The following PATJ variants were observed in gnomAD, a reference collection of about 807,000 sequenced individuals.
PATJ encodes the protein PATJ crumbs cell polarity complex component, also known as inaD-like protein.
PATJ carries 190 observed loss-of-function variants against 224.9 expected under a neutral mutation model. That is an observed-to-expected ratio of 0.84 (90% CI 0.75 to 0.95). PATJ has a LOEUF of 0.95. Among genes scored for constraint, PATJ ranks in the 40% least tolerant of loss-of-function variants. The pLI, the probability that PATJ is intolerant of heterozygous loss-of-function variation, is 0.00. For synonymous variants in PATJ, 769 were observed against 820.3 expected (o/e 0.94, Z 1.07); for missense variants, 2,121 against 2,270.3 (o/e 0.93, Z 1.34).
At chr1:61,788,300 G>C (rs1649032821) in intron 8 of PATJ, among the ~76,000 whole-genome samples, 1 of 152,052 alleles carries the variant, frequency 6.6e-6, no homozygotes, top group African/African-American at 2.4e-5. Flanking sequence ...CGATGTGTGA[G>C]AATTATCACT....
In PATJ at chr1:61,801,719, A is replaced by G. The variant is rs374668002; in HGVS notation, c.1499A>G (p.Glu500Gly). Residue 500 changes from glutamate to glycine, a missense_variant, in exon 12 of 44, where the codon GAA becomes GGA. Coordinates refer to ENST00000642238, the MANE Select transcript of PATJ (RefSeq NM_001350145.3). Reference sequence around the variant, plus strand: ...GATGGTGAAGATGAGGAAATTAAAGAAAGAATTGATACTTTAAAAAATGAC... The same window carrying G: ...GATGGTGAAGATGAGGAAATTAAAGGAAGAATTGATACTTTAAAAAATGAC... ...NVDGEDEEIK[E>G]RIDTLKNDNI... 1.9e-4 allele frequency: 306 copies of G among 1,601,644 alleles called. No homozygotes were observed. The highest frequency in any genetic ancestry group is 2.6e-4 in the Non-Finnish European group (300 of 1,171,588).
intron 33 of PATJ, among the ~76,000 whole-genome samples, chr1:62,087,271 G>C (rs1028426694): frequency 1.3e-5 from 2 of 151,964 alleles, no homozygotes; most frequent in Admixed American, 6.6e-5. Flanking sequence ...AAGTTAAGCT[G>C]TCTCTCCTCC....
At chr1:61,981,976 G>A (rs577702546) in intron 27 of PATJ, among the ~76,000 whole-genome samples, 2 of 152,094 alleles carry the variant, frequency 1.3e-5, no homozygotes, top group East Asian at 1.9e-4. Flanking sequence ...GCCTTGTTGC[G>A]ATTCTTGTGC....
At chr1:61,769,931 T>C (rs534608549) in intron 5 of PATJ, among the ~76,000 whole-genome samples, 1 of 152,286 alleles carries the variant, frequency 6.6e-6, no homozygotes, top group East Asian at 1.9e-4. Context: ...GCCCCTCAAG[T>C]CTATGTTATC....
At chr1:61,813,400 T>TAC (rs1655369422) in intron 14 of PATJ, among the ~76,000 whole-genome samples, 2 of 122,440 alleles carry the variant, frequency 1.6e-5, no homozygotes, top group South Asian at 5.7e-4. Flanking sequence ...CACACACACA[T>TAC]ACACACATAT....
In PATJ at chr1:62,161,183, C is replaced by A; in HGVS notation, c.*129C>A. ...ATTCTTATTTCTTGCCCTCTCTGCT[C>A]AGGAGAAATGGCTGAGGTTTCATGT... On this transcript the variant is annotated 3_prime_UTR_variant, in exon 44 of 44. Coordinates refer to ENST00000642238, the MANE Select transcript of PATJ (RefSeq NM_001350145.3). The A allele has an allele frequency of 1.6e-6, 1 of 641,258 alleles. No homozygotes were observed. The highest frequency in any genetic ancestry group is 2.3e-6 in the Non-Finnish European group (1 of 432,160). 39.7% of individuals were successfully genotyped at this position (641,258 alleles called of 1,614,324 possible).
At chr1:61,937,184 T>C (rs1231034005) in intron 27 of PATJ, among the ~76,000 whole-genome samples, 1 of 152,168 alleles carries the variant, frequency 6.6e-6, no homozygotes, top group East Asian at 1.9e-4. Flanking sequence ...TGTGGGAGTC[T>C]TGAAGCCCAT....
At position 62,085,862 on chromosome 1, in the gene PATJ, G is replaced by A. The variant is rs543614693; in HGVS notation, c.4377+1214G>A. Among the ~76,000 whole-genome samples the A allele has an allele frequency of 2.5e-4, 38 of 150,340 alleles. No individual in the cohort carries two copies. In the South Asian group the frequency reaches 6.3e-3, roughly 25 times the overall value. On this transcript the variant is annotated intron_variant, in intron 33 of 43. Transcript: ENST00000642238. ...AAAAAAGGTATGCATGAATTATTCC[G>A]GCCTAACAATTTAGGGTTCATTTTA...
chr1:61,899,898 A>G (rs1451853239), intron 23 of PATJ, among the ~76,000 whole-genome samples: 1 of 152,258 alleles, frequency 6.6e-6, no homozygotes, highest in Non-Finnish European at 1.5e-5. Flanking sequence ...TTAGATGTCC[A>G]TCTAACAAGT....
intron 14 of PATJ, among the ~76,000 whole-genome samples, chr1:61,814,539 T>TGC (rs1456977365): frequency 2.9e-5 from 4 of 138,726 alleles, no homozygotes; most frequent in African/African-American, 5.7e-5. Flanking sequence ...TGTGTGTGTG[T>TGC]GTGTGTGTGC....
intron 23 of PATJ, among the ~76,000 whole-genome samples, chr1:61,900,038 T>C (rs6663078): frequency 0.22 from 33,196 of 152,106 alleles, 3,781 homozygotes; most frequent in East Asian, 0.39. Context: ...TCTACCTTCC[T>C]CCCCTGGTGG....
At chr1:61,769,703 C>G (rs1398301167) in intron 5 of PATJ, among the ~76,000 whole-genome samples, 1 of 152,144 alleles carries the variant, frequency 6.6e-6, no homozygotes, top group Non-Finnish European at 1.5e-5. Context: ...AATGCTGGAG[C>G]CATGATGTGA....
chr1:61,987,637 A>C (rs1162443322), intron 27 of PATJ, among the ~76,000 whole-genome samples: 1 of 152,144 alleles, frequency 6.6e-6, no homozygotes, highest in African/African-American at 2.4e-5. Flanking sequence ...AGAACCCCTA[A>C]AATGGAATAT....
At chr1:61,766,531 CA>C in intron 4 of PATJ, 58 bp downstream of exon 4, 3 of 1,233,386 alleles carry the variant, frequency 2.4e-6, no homozygotes, top group Non-Finnish European at 3.4e-6. Flanking sequence ...TTTAGTTTTA[CA>C]AAGGAGCTTA....
In PATJ at chr1:62,150,841, C is replaced by T. The variant is rs560010738; in HGVS notation, c.5378+2451C>T. Among the ~76,000 whole-genome samples, 7 of 151,864 alleles carry T rather than the reference C, an allele frequency of 4.6e-5. No homozygotes were observed. In the East Asian group the frequency reaches 1.4e-3, roughly 30 times the overall value. The stretch of plus-strand genomic sequence containing the variant: ...TAAAAAAATGTAAAGACAAACAAAA[C>T]AGTTAAAAACAGTTAACAAGGCCGG... On this transcript the variant is annotated intron_variant, in intron 42 of 43. Coordinates refer to ENST00000642238, the MANE Select transcript of PATJ (RefSeq NM_001350145.3).
intron 21 of PATJ, among the ~76,000 whole-genome samples, chr1:61,880,387 A>G (rs1021237081): frequency 6.6e-6 from 1 of 152,230 alleles, no homozygotes; most frequent in Non-Finnish European, 1.5e-5. Flanking sequence ...AATGTTGGAT[A>G]CACTTAAAGG....
chr1:61,908,425 T>G lies in PATJ; in HGVS notation c.3435T>G (p.Ile1145Met). ...NASHSEAVEAIKNAGNPVVFI... is the reference protein window; with the variant it reads ...NASHSEAVEAMKNAGNPVVFI... ...CACACAGCGAAGCAGTTGAGGCCATTAAGAATGCAGGAAACCCTGTGGTGT... is the reference window on the plus strand; with the variant it reads ...CACACAGCGAAGCAGTTGAGGCCATGAAGAATGCAGGAAACCCTGTGGTGT... Residue 1145 changes from isoleucine to methionine, a missense_variant, in exon 25 of 44, where the codon ATT (isoleucine) becomes ATG (methionine). Ile to Met is a conservative substitution (Grantham distance 10). Transcript: ENST00000642238. 6.2e-7 allele frequency: 1 copy of G among 1,614,100 alleles called. No homozygotes were observed. Among genetic ancestry groups the G allele is most frequent in the Non-Finnish European group, 8.5e-7 (1 of 1,179,950 alleles).
intron 1 of PATJ, among the ~76,000 whole-genome samples, chr1:61,756,773 T>G (rs190771701): frequency 1.1e-3 from 167 of 151,652 alleles, no homozygotes; most frequent in African/African-American, 2.2e-3. Context: ...AGAGATGAGG[T>G]TTCATCATAT....
intron 27 of PATJ, among the ~76,000 whole-genome samples, chr1:61,975,939 C>G (rs935913267): frequency 1.3e-5 from 2 of 152,002 alleles, no homozygotes; most frequent in African/African-American, 4.8e-5. Context: ...AGTTCAAAAG[C>G]CTGTTGGCTT....
Sources: gnomAD v4.1 joint callset for allele counts (sites outside exome capture counted in the v4.1 genomes callset) on GRCh38, gnomAD v4.1.1 for gene constraint, MANE v1.5 for transcripts, NCBI Gene and HGNC (gene_info 2026-07-23, HGNC 2026-07-21) for gene names.